The following KHDRBS2 variants were observed in gnomAD, a reference collection of about 807,000 sequenced individuals.
KHDRBS2 encodes KH RNA binding domain containing, signal transduction associated 2.
In KHDRBS2, 26 loss-of-function variants were observed where a neutral mutation model predicts 44.3. The observed-to-expected ratio is 0.59, with a 90% CI of 0.43 to 0.81. The LOEUF (loss-of-function observed/expected upper bound fraction) is 0.81. KHDRBS2 is among the 40% of genes least tolerant of loss of function. The probability of loss-of-function intolerance (pLI) is 0.00; values close to 1 mark genes in which losing one functional copy is unlikely to be tolerated. For missense variants in KHDRBS2, 476 were observed against 433.1 expected (o/e 1.10, Z -0.88); for synonymous variants, 194 against 151.1 (o/e 1.28, Z -2.08).
At chr6:62,280,371 G>A (rs767056978) in intron 1 of KHDRBS2, among the ~76,000 whole-genome samples, 6 of 151,994 alleles carry the variant, frequency 3.9e-5, no homozygotes, top group African/African-American at 7.3e-5. Flanking sequence ...GGCAAGAAAC[G>A]GTCAAAAAAG....
At chr6:61,576,717 T>A in the KHDRBS2 span, among the ~76,000 whole-genome samples, 4 of 152,184 alleles carry the variant, frequency 2.6e-5, no homozygotes, top group Admixed American at 2.6e-4. Flanking sequence ...AAATTTTAAC[T>A]CAAGACTATC....
intron 6 of KHDRBS2, among the ~76,000 whole-genome samples, chr6:61,788,412 C>T (rs1445726427): frequency 3.3e-5 from 5 of 151,384 alleles, no homozygotes; most frequent in African/African-American, 4.8e-5. Flanking sequence ...AATAGGTTTT[C>T]TTCCAGCTGG....
At chr6:61,834,990 C>A (rs2127265893) in intron 6 of KHDRBS2, among the ~76,000 whole-genome samples, 1 of 152,088 alleles carries the variant, frequency 6.6e-6, no homozygotes, top group East Asian at 1.9e-4. Flanking sequence ...ATGAGAAAAG[C>A]AAAGGGATGA....
intron 1 of KHDRBS2, among the ~76,000 whole-genome samples, chr6:62,246,102 T>TTATATATATATATATATATATA (rs150717074): frequency 4.8e-5 from 6 of 124,338 alleles, no homozygotes; most frequent in Admixed American, 8.8e-5. Context: ...TCAATCAATT[T>TTATATATATATATATATATATA]TATATATATA....
Position 61,975,655 on chromosome 6 carries a change from A to ACG in KHDRBS2, c.483+2410_483+2411insCG, listed in dbSNP as rs1772449825. Among the ~76,000 whole-genome samples the ACG allele has an allele frequency of 8.9e-5, 10 of 112,056 alleles. No individual in the cohort carries two copies. The South Asian group carries it at 3.2e-3, about 36-fold the overall frequency. 73.5% of individuals were successfully genotyped at this position (112,056 alleles called of 152,430 possible). A position where few individuals can be genotyped will look rare whatever the true frequency, so the allele number is the denominator to read the frequency against. ...CAGAAATCAAAGATAAGCAAGATGC[A>ACG]CACACACACACACACACACACACAC... On this transcript the variant is annotated intron_variant, in intron 4 of 8. Transcript: ENST00000281156.
intron 3 of KHDRBS2, among the ~76,000 whole-genome samples, chr6:61,994,958 T>C (rs2127252885): frequency 6.6e-6 from 1 of 152,048 alleles, no homozygotes; most frequent in African/African-American, 2.4e-5. Context: ...TGGGCACGTC[T>C]GAGGAATAGA....
At chr6:62,270,972 T>C (rs1331071334) in intron 1 of KHDRBS2, among the ~76,000 whole-genome samples, 1 of 152,164 alleles carries the variant, frequency 6.6e-6, no homozygotes, top group Non-Finnish European at 1.5e-5. Context: ...TTTTCTACTA[T>C]AACGGTAGCT....
intron 6 of KHDRBS2, among the ~76,000 whole-genome samples, chr6:61,824,283 T>C (rs1790489909): frequency 1.3e-5 from 2 of 152,100 alleles, no homozygotes; most frequent in Non-Finnish European, 2.9e-5. Flanking sequence ...GTTTTTCTAA[T>C]GGTTTTGAAC....
At chr6:61,558,860 G>A in the KHDRBS2 span, among the ~76,000 whole-genome samples, 40 of 152,278 alleles carry the variant, frequency 2.6e-4, no homozygotes, top group African/African-American at 8.9e-4. Flanking sequence ...TTGACAATGA[G>A]TCATATGCTG....
intron 6 of KHDRBS2, chr6:61,813,906 C>G (rs937309820): frequency 8.8e-6 from 4 of 455,766 alleles, no homozygotes; most frequent in Non-Finnish European, 1.8e-5. Flanking sequence ...CATTATTACT[C>G]CCTGCTTTTA....
chr6:61,712,940 A>G (rs1465642844), intron 7 of KHDRBS2, among the ~76,000 whole-genome samples: 1 of 151,772 alleles, frequency 6.6e-6, no homozygotes, highest in East Asian at 1.9e-4. Context: ...CTATAAAACC[A>G]AAAGTTTCTT....
intron 6 of KHDRBS2, among the ~76,000 whole-genome samples, chr6:61,761,378 G>C (rs1779249714): frequency 6.6e-6 from 1 of 152,150 alleles, no homozygotes; most frequent in Non-Finnish European, 1.5e-5. Flanking sequence ...TTTTGTACCA[G>C]CAACACACAG....
intron 6 of KHDRBS2, among the ~76,000 whole-genome samples, chr6:61,822,581 T>C (rs1790105042): frequency 6.6e-6 from 1 of 151,970 alleles, no homozygotes; most frequent in African/African-American, 2.4e-5. Context: ...CTTCTCATGG[T>C]TTTCCATGAT....
At chr6:61,870,492 G>A (rs1798509184) in intron 6 of KHDRBS2, among the ~76,000 whole-genome samples, 1 of 152,148 alleles carries the variant, frequency 6.6e-6, no homozygotes, top group South Asian at 2.1e-4. Context: ...CTCCCTGCCT[G>A]ACAGCTCTGA....
intron 7 of KHDRBS2, among the ~76,000 whole-genome samples, chr6:61,701,985 T>G (rs557099866): frequency 1.4e-4 from 21 of 152,060 alleles, no homozygotes; most frequent in Non-Finnish European, 2.6e-4. Context: ...AGGTCCTGGA[T>G]TTTGGACTGG....
the KHDRBS2 span, chr6:61,630,272 T>C: frequency 2.0e-5 from 3 of 152,322 alleles, no homozygotes; most frequent in African/African-American, 7.2e-5. Context: ...TTTACAGTCA[T>C]GTGATAAGGT....
At chr6:62,261,956 T>C (rs1020600748) in intron 1 of KHDRBS2, among the ~76,000 whole-genome samples, 1 of 151,764 alleles carries the variant, frequency 6.6e-6, no homozygotes, top group Admixed American at 6.6e-5. Context: ...TGGCATTAGA[T>C]ATATTTATTT....
intron 6 of KHDRBS2, among the ~76,000 whole-genome samples, chr6:61,864,318 T>C (rs904634214): frequency 6.6e-6 from 1 of 152,180 alleles, no homozygotes; most frequent in South Asian, 2.1e-4. Flanking sequence ...CCTGTCAACA[T>C]GATGCAAGGT....
chr6:61,823,425 G>A (rs1027009207), intron 6 of KHDRBS2, among the ~76,000 whole-genome samples: 1 of 152,022 alleles, frequency 6.6e-6, no homozygotes, highest in African/African-American at 2.4e-5. Context: ...TTTATGTAAA[G>A]AAGTCCTCTC....
Sources: gnomAD v4.1 joint callset for allele counts (sites outside exome capture counted in the v4.1 genomes callset) on GRCh38, gnomAD v4.1.1 for gene constraint, MANE v1.5 for transcripts, NCBI Gene and HGNC (gene_info 2026-07-23, HGNC 2026-07-21) for gene names.